EIF2B3: variants seen among roughly 807,000 people sequenced by gnomAD.
EIF2B3 encodes translation initiation factor eIF2B subunit gamma.
In EIF2B3, 20 loss-of-function variants were observed where a neutral mutation model predicts 54.1. The observed-to-expected ratio is 0.37, with a 90% CI of 0.26 to 0.54. The LOEUF is 0.54. Ranked by LOEUF, EIF2B3 falls within the 20% of genes least tolerant of loss-of-function variation. The pLI is 0.86. For synonymous variants in EIF2B3, 153 were observed against 188.1 expected (o/e 0.81, Z 1.52); for missense variants, 448 against 547.8 (o/e 0.82, Z 1.82).
chr1:44,850,786 A>T lies in EIF2B3; in HGVS notation c.*165T>A, dbSNP rs1654245358. On this transcript the variant is annotated 3_prime_UTR_variant, in exon 12 of 12. Coordinates refer to ENST00000360403, the MANE Select transcript of EIF2B3 (RefSeq NM_020365.5). ...CATGACACATGAACATACACTGTGT[A>T]CACCTGGAGCCCACCTGACATGGAG... The T allele has an allele frequency of 2.8e-6, 2 of 712,980 alleles. No individual in the cohort carries two copies. The highest frequency in any genetic ancestry group is 2.3e-5 in the Admixed American group (1 of 43,838). 44.2% of individuals were successfully genotyped at this position (712,980 alleles called of 1,614,324 possible).
intron 5 of EIF2B3, among the ~76,000 whole-genome samples, chr1:44,913,703 T>C (rs1643563856): frequency 6.7e-6 from 1 of 150,274 alleles, no homozygotes; most frequent in Non-Finnish European, 1.5e-5. Context: ...GGTCACAGGA[T>C]GTTGCCCAGG....
intron 4 of EIF2B3, among the ~76,000 whole-genome samples, chr1:44,929,258 G>T (rs1643877344): frequency 6.6e-6 from 1 of 152,166 alleles, no homozygotes; most frequent in African/African-American, 2.4e-5. Context: ...AGATGAATTT[G>T]CTTCCTACTG....
chr1:44,871,015 C>T (rs1193242348), intron 10 of EIF2B3, among the ~76,000 whole-genome samples: 1 of 152,194 alleles, frequency 6.6e-6, no homozygotes, highest in Non-Finnish European at 1.5e-5. Flanking sequence ...TTCCTAAGCT[C>T]CAGCCCTGTA....
chr1:44,950,051 T>C (rs1239755211), intron 3 of EIF2B3, among the ~76,000 whole-genome samples: 2 of 152,230 alleles, frequency 1.3e-5, no homozygotes, highest in Non-Finnish European at 2.9e-5. Context: ...GAGATTTTTT[T>C]TGTTCTCCCA....
chr1:44,899,316 T>A (rs775193337), intron 5 of EIF2B3, among the ~76,000 whole-genome samples: 3 of 152,216 alleles, frequency 2.0e-5, no homozygotes, highest in Admixed American at 6.5e-5. Context: ...CATGACTGTT[T>A]ATAATCAAAC....
intron 1 of EIF2B3, among the ~76,000 whole-genome samples, chr1:44,983,826 C>T (rs763629882): frequency 3.0e-4 from 45 of 152,036 alleles, no homozygotes; most frequent in Admixed American, 6.5e-4. Context: ...CCTGCCTCAG[C>T]CTCCCAAGTT....
At chr1:44,928,959 T>TTA (rs931817377) in intron 4 of EIF2B3, among the ~76,000 whole-genome samples, 1 of 152,202 alleles carries the variant, frequency 6.6e-6, no homozygotes, top group African/African-American at 2.4e-5. Context: ...AATTACCAGT[T>TTA]TATGTTAGAG....
chr1:44,977,581 C>A (rs1367593635), intron 3 of EIF2B3, among the ~76,000 whole-genome samples: 1 of 151,930 alleles, frequency 6.6e-6, no homozygotes, highest in Non-Finnish European at 1.5e-5. Flanking sequence ...TCTCCTGCCT[C>A]AGCCTCCCCA....
intron 3 of EIF2B3, among the ~76,000 whole-genome samples, chr1:44,963,357 TC>T (rs1467867225): frequency 1.3e-5 from 2 of 151,386 alleles, no homozygotes; most frequent in African/African-American, 4.8e-5. Flanking sequence ...GCAACCTCTG[TC>T]TCCCAGGCTC....
chr1:44,915,343 G>A (rs1385903810), intron 5 of EIF2B3, among the ~76,000 whole-genome samples: 1 of 151,934 alleles, frequency 6.6e-6, no homozygotes, highest in Non-Finnish European at 1.5e-5. Flanking sequence ...ATAGGGTCTC[G>A]TTCTGTCATC....
chr1:44,866,814 C>G (rs528136173), intron 10 of EIF2B3, among the ~76,000 whole-genome samples: 1 of 152,330 alleles, frequency 6.6e-6, no homozygotes, highest in Admixed American at 6.5e-5. Flanking sequence ...CTTGGCCTCC[C>G]AAAGTGTTGG....
intron 1 of EIF2B3, among the ~76,000 whole-genome samples, chr1:44,986,127 T>C (rs1234447775): frequency 7.2e-6 from 1 of 138,178 alleles, no homozygotes; most frequent in Non-Finnish European, 1.6e-5. Flanking sequence ...TTCGTTTCTT[T>C]CTTTTCTTTT....
At chr1:44,947,030 G>A (rs1644110003) in intron 3 of EIF2B3, among the ~76,000 whole-genome samples, 1 of 152,162 alleles carries the variant, frequency 6.6e-6, no homozygotes, top group Non-Finnish European at 1.5e-5. Flanking sequence ...ACACTCAGCT[G>A]CCTTTGTTTC....
At chr1:44,867,044 AAGGGTACACTC>A (rs1341797224) in intron 10 of EIF2B3, among the ~76,000 whole-genome samples, 2 of 152,206 alleles carry the variant, frequency 1.3e-5, no homozygotes, top group East Asian at 3.8e-4. Context: ...AGTGCAGGTG[AAGGGTACACTC>A]AGGGTAATGA....
intron 3 of EIF2B3, among the ~76,000 whole-genome samples, chr1:44,967,724 G>A (rs1202656504): frequency 7.4e-6 from 1 of 134,976 alleles, no homozygotes; most frequent in East Asian, 2.2e-4. Context: ...TGGCGACAGA[G>A]TGAGATGCTG....
At chr1:44,883,759 C>A (rs1006180581) in intron 6 of EIF2B3, among the ~76,000 whole-genome samples, 1 of 152,184 alleles carries the variant, frequency 6.6e-6, no homozygotes, top group Non-Finnish European at 1.5e-5. Context: ...CTTGATAAAT[C>A]GTCTCTATCT....
chr1:44,885,217 T>C (rs993636568), intron 6 of EIF2B3, among the ~76,000 whole-genome samples: 2 of 152,124 alleles, frequency 1.3e-5, no homozygotes, highest in African/African-American at 4.8e-5. Context: ...AGGAGAACAA[T>C]AGACTTGACT....
At chr1:44,852,172 C>T (rs1361841666) in intron 11 of EIF2B3, among the ~76,000 whole-genome samples, 2 of 149,740 alleles carry the variant, frequency 1.3e-5, no homozygotes, top group Non-Finnish European at 3.0e-5. Flanking sequence ...CCATGTTGGC[C>T]AGGCTGGTCT....
In EIF2B3 at chr1:44,981,163, T is replaced by A; in HGVS notation, c.6A>T (p.Glu2Asp). M[E>D]FQAVVMAVGG... ...CTACTGCCATCACTACTGCTTGAAA[T>A]TCCATTTTTACAAACTGCAAGTACA... The change falls in exon 2 of 12, where the codon GAA becomes GAT. Residue 2 changes from glutamate to aspartate, a missense_variant. Physicochemically the swap from Glu to Asp is conservative, Grantham distance 45. Transcript: ENST00000360403. 6.2e-7 allele frequency: 1 copy of A among 1,611,926 alleles called. No individual in the cohort carries two copies. Among genetic ancestry groups the A allele is most frequent in the Non-Finnish European group, 8.5e-7 (1 of 1,179,708 alleles).
Sources: allele counts gnomAD v4.1 joint callset (sites outside exome capture counted in the v4.1 genomes callset), GRCh38; gene constraint gnomAD v4.1.1; transcripts MANE v1.5; gene names NCBI Gene and HGNC (gene_info 2026-07-23, HGNC 2026-07-21).